The following PTPRZ1 variants were observed in gnomAD, a reference collection of about 807,000 sequenced individuals.
PTPRZ1 encodes the protein receptor-type tyrosine-protein phosphatase zeta.
In PTPRZ1, 82 loss-of-function variants were observed where a neutral mutation model predicts 214.1. The ratio of observed to expected loss-of-function variants is 0.38; its 90% CI spans 0.32 to 0.46. The LOEUF (loss-of-function observed/expected upper bound fraction) is 0.46, where lower values mean the gene tolerates loss of function less well. Ranked by LOEUF, PTPRZ1 falls within the 20% of genes least tolerant of loss-of-function variation. The pLI is 1.00. For missense variants in PTPRZ1, 2,603 were observed against 2,748.7 expected (o/e 0.95, Z 1.19); for synonymous variants, 945 against 987.9 (o/e 0.96, Z 0.81).
At chr7:121,902,069 A>G (rs1427720174) in intron 1 of PTPRZ1, among the ~76,000 whole-genome samples, 4 of 152,076 alleles carry the variant, frequency 2.6e-5, no homozygotes, top group Non-Finnish European at 4.4e-5. Context: ...TATGAGATCA[A>G]TGTTTTTAGG....
intron 1 of PTPRZ1, among the ~76,000 whole-genome samples, chr7:121,880,909 A>T (rs762062518): frequency 6.6e-6 from 1 of 152,182 alleles, no homozygotes; most frequent in Non-Finnish European, 1.5e-5. Context: ...CATGTGGGAT[A>T]TTATTGTCAT....
chr7:121,982,781 C>CT (rs904772551), intron 6 of PTPRZ1, among the ~76,000 whole-genome samples: 137 of 148,702 alleles, frequency 9.2e-4, no homozygotes, highest in East Asian at 4.9e-3. Context: ...TTCTTTCTTT[C>CT]TTTTTTTTTT....
chr7:122,030,304 A>T (rs1799334424), intron 14 of PTPRZ1, among the ~76,000 whole-genome samples: 1 of 152,040 alleles, frequency 6.6e-6, no homozygotes, highest in Non-Finnish European at 1.5e-5. Flanking sequence ...TTAATAAAAG[A>T]AATTACCAAA....
intron 1 of PTPRZ1, among the ~76,000 whole-genome samples, chr7:121,878,334 A>C (rs938816832): frequency 1.3e-5 from 2 of 152,184 alleles, no homozygotes; most frequent in Non-Finnish European, 2.9e-5. Flanking sequence ...TCCATCTGGC[A>C]GTGTTGTTTT....
At chr7:121,939,119 G>C (rs1247128137) in intron 2 of PTPRZ1, among the ~76,000 whole-genome samples, 1 of 152,160 alleles carries the variant, frequency 6.6e-6, no homozygotes. Context: ...TGCCTGAGAG[G>C]AATTGTGACT....
At chr7:121,974,397 A>G (rs1393320484) in intron 4 of PTPRZ1, among the ~76,000 whole-genome samples, 2 of 152,190 alleles carry the variant, frequency 1.3e-5, no homozygotes, top group African/African-American at 2.4e-5. Context: ...ATCAAAATAC[A>G]TGGTACAGAA....
At chr7:122,046,218 C>A (rs1037515269) in intron 23 of PTPRZ1, among the ~76,000 whole-genome samples, 1 of 151,988 alleles carries the variant, frequency 6.6e-6, no homozygotes, top group African/African-American at 2.4e-5. Context: ...GAATTTGAGA[C>A]CAGCTTGGGC....
At chr7:121,989,333 T>G (rs1394956596) in intron 8 of PTPRZ1, among the ~76,000 whole-genome samples, 2 of 151,724 alleles carry the variant, frequency 1.3e-5, no homozygotes, top group Non-Finnish European at 2.9e-5. Context: ...AAGCATTTAT[T>G]ATCATTTGTC....
intron 18 of PTPRZ1, among the ~76,000 whole-genome samples, 176 bp from the exon 19 acceptor site, chr7:122,038,562 CCTAACCAAGAGTATTTT>C (rs1449900180): frequency 1.5e-5 from 2 of 136,098 alleles, no homozygotes; most frequent in Non-Finnish European, 3.1e-5. Flanking sequence ...CCTTCTGCTT[CCTAACCAAGAGTATTTT>C]CTAACCAAGA....
Position 122,010,430 on chromosome 7 carries a change from T to C in PTPRZ1, c.1384T>C (p.Ser462Pro). The stretch of plus-strand genomic sequence containing the variant: ...AATCAGGAAAAAGGAACCCCAGATT[T>C]CTACCACAACACACTACAATCGCAT... ...NQIRKKEPQI[S>P]TTTHYNRIGT... Residue 462 changes from serine (S) to proline (P), a missense_variant, in exon 12 of 30, where the codon TCT (serine) becomes CCT (proline). Ser to Pro is a moderately conservative substitution (Grantham distance 74). Coordinates refer to ENST00000393386, the MANE Select transcript of PTPRZ1 (RefSeq NM_002851.3). 1 of 1,614,034 alleles carries C rather than the reference T, an allele frequency of 6.2e-7. No individual in the cohort carries two copies. Among genetic ancestry groups the C allele is most frequent in the Non-Finnish European group, 8.5e-7 (1 of 1,179,968 alleles).
chr7:121,907,900 C>A (rs991793712), intron 1 of PTPRZ1, among the ~76,000 whole-genome samples: 7 of 151,988 alleles, frequency 4.6e-5, no homozygotes, highest in Admixed American at 4.6e-4. Context: ...AACTTAGCCA[C>A]CATTTGAAGG....
intron 1 of PTPRZ1, among the ~76,000 whole-genome samples, chr7:121,883,261 G>C (rs915693872): frequency 1.2e-4 from 19 of 152,126 alleles, no homozygotes; most frequent in Non-Finnish European, 1.6e-4. Context: ...TTAGAGATTA[G>C]AGTCACAACT....
chr7:122,013,336 T>C lies in PTPRZ1; in HGVS notation c.4290T>C (p.Asp1430=), dbSNP rs61758739. ...DTDDDGDDDD[D]DRGSDGLSIH... ...ATGATGATGGTGATGATGATGATGA[T>C]GACAGAGGTAGTGATGGCTTATCCA... The change falls in exon 12 of 30, where the codon GAT becomes GAC. Residue 1430 remains aspartate, a synonymous_variant. Transcript: ENST00000393386. The C allele has an allele frequency of 6.3e-7, 1 of 1,596,934 alleles. No homozygotes were observed. Among genetic ancestry groups the C allele is most frequent in the Non-Finnish European group, 8.5e-7 (1 of 1,173,998 alleles).
intron 15 of PTPRZ1, 99 bp from the exon 16 acceptor site, chr7:122,033,995 GT>G: frequency 9.4e-7 from 1 of 1,059,524 alleles, no homozygotes. Context: ...CATGATCATA[GT>G]TTTCCATTGT....
At chr7:121,959,686 G>C (rs140521293) in intron 2 of PTPRZ1, among the ~76,000 whole-genome samples, 1 of 152,200 alleles carries the variant, frequency 6.6e-6, no homozygotes, top group East Asian at 1.9e-4. Context: ...GTCTTCTTAA[G>C]TATATCATCT....
chr7:122,018,840 G>A (rs969557802), intron 12 of PTPRZ1, among the ~76,000 whole-genome samples: 2 of 151,894 alleles, frequency 1.3e-5, no homozygotes, highest in African/African-American at 4.8e-5. Context: ...TTCTTATTTA[G>A]CAAGGCTTTT....
chr7:121,929,503 GAA>G (rs10717646), intron 2 of PTPRZ1, among the ~76,000 whole-genome samples: 23,927 of 141,926 alleles, frequency 0.17, 2,177 homozygotes, highest in South Asian at 0.33. Flanking sequence ...TACCGAGTAG[GAA>G]AAAAAAAAAA....
intron 4 of PTPRZ1, 106 bp from the exon 5 acceptor site, chr7:121,976,067 C>A: frequency 1.5e-6 from 1 of 668,894 alleles, no homozygotes; most frequent in Non-Finnish European, 2.5e-6. Context: ...TAGTTGTATA[C>A]ATGTAATTTA....
At chr7:121,902,544 T>C (rs375276851) in intron 1 of PTPRZ1, among the ~76,000 whole-genome samples, 41 of 152,218 alleles carry the variant, frequency 2.7e-4, no homozygotes, top group African/African-American at 9.6e-4. Context: ...GTCTTTTTGA[T>C]AATAGCCATC....
Sources: allele counts gnomAD v4.1 joint callset (sites outside exome capture counted in the v4.1 genomes callset), GRCh38; gene constraint gnomAD v4.1.1; transcripts MANE v1.5; gene names NCBI Gene and HGNC (gene_info 2026-07-23, HGNC 2026-07-21).